Variants in FRMPD1 observed in about 807,000 individuals in gnomAD.
FRMPD1 encodes the protein FERM and PDZ domain containing 1, also known as FERM and PDZ domain-containing protein 1.
FRMPD1 carries 76 observed loss-of-function variants against 117.8 expected under a neutral mutation model. The observed-to-expected ratio is 0.65, with a 90% CI of 0.54 to 0.78. The LOEUF (loss-of-function observed/expected upper bound fraction) is 0.78, where lower values mean the gene tolerates loss of function less well. Among genes scored for constraint, FRMPD1 ranks in the 30% least tolerant of loss-of-function variants. The pLI is 0.00. For missense variants in FRMPD1, 1,786 were observed against 1,964.5 expected (o/e 0.91, Z 1.72); for synonymous variants, 783 against 770.4 (o/e 1.02, Z -0.27).
rs937651001 is a variant in FRMPD1, at chr9:37,745,395, C to T, written c.3363C>T (p.Gly1121=). ...ERDREVTNKN[G]TNVFQEESRK... is the part of the protein sequence containing the mutation. ...ACAGAGAAGTTACAAACAAAAATGG[C>T]ACCAACGTATTTCAGGAGGAGTCTA... The change falls in exon 16 of 16, where the codon GGC becomes GGT. Residue 1121 remains glycine, a synonymous_variant. Transcript: ENST00000377765. The T allele has an allele frequency of 6.2e-7, 1 of 1,614,082 alleles. No individual in the cohort carries two copies. The highest frequency in any genetic ancestry group is 1.7e-5 in the Admixed American group (1 of 60,026).
the FRMPD1 span, among the ~76,000 whole-genome samples, chr9:37,615,868 A>G: frequency 2.0e-5 from 3 of 151,594 alleles, no homozygotes; most frequent in Non-Finnish European, 4.4e-5. Context: ...GCTGGAGTGT[A>G]ATGGCATGAT....
At chr9:37,689,969 A>T (rs927270941) in intron 1 of FRMPD1, among the ~76,000 whole-genome samples, 2 of 152,100 alleles carry the variant, frequency 1.3e-5, no homozygotes, top group African/African-American at 4.8e-5. Context: ...GAAATTTTAC[A>T]ATGTTGTTAC....
chr9:37,636,869 G>C, the FRMPD1 span: 1 of 1,611,376 alleles, frequency 6.2e-7, no homozygotes, highest in Middle Eastern at 1.7e-4. Context: ...GATGCCCAAA[G>C]AGTCTGCAAA....
At chr9:37,723,022 C>T (rs570947629) in intron 6 of FRMPD1, among the ~76,000 whole-genome samples, 5 of 152,252 alleles carry the variant, frequency 3.3e-5, no homozygotes, top group Admixed American at 6.5e-5. Flanking sequence ...AATAGCCCTA[C>T]GAGAGTGGCA....
At chr9:37,737,028 C>A in intron 13 of FRMPD1, 68 bp from the exon 14 acceptor site, 3 of 1,266,902 alleles carry the variant, frequency 2.4e-6, no homozygotes, top group Non-Finnish European at 3.4e-6. Context: ...TCCCACATGG[C>A]TTTGTTGTCA....
At chr9:37,739,291 G>A (rs964847988) in intron 14 of FRMPD1, among the ~76,000 whole-genome samples, 3 of 152,208 alleles carry the variant, frequency 2.0e-5, no homozygotes, top group African/African-American at 7.2e-5. Context: ...AGGCCATACT[G>A]TGAGAGTCTG....
intron 7 of FRMPD1, among the ~76,000 whole-genome samples, chr9:37,728,832 G>A (rs7025674): frequency 0.42 from 64,307 of 151,356 alleles, 13,825 homozygotes; most frequent in South Asian, 0.54. Context: ...GCGTGGTGGC[G>A]CACACCTGTA....
At chr9:37,623,346 C>G in the FRMPD1 span, among the ~76,000 whole-genome samples, 1 of 152,060 alleles carries the variant, frequency 6.6e-6, no homozygotes, top group Non-Finnish European at 1.5e-5. Context: ...TTCAATGTGC[C>G]AAGTACCATA....
intron 1 of FRMPD1, among the ~76,000 whole-genome samples, chr9:37,651,355 A>C (rs907907302): frequency 6.6e-6 from 1 of 152,282 alleles, no homozygotes. Flanking sequence ...TAGTGAGTGG[A>C]AACAGCGGCA....
the FRMPD1 span, among the ~76,000 whole-genome samples, chr9:37,639,694 T>C: frequency 6.6e-6 from 1 of 152,096 alleles, no homozygotes; most frequent in Non-Finnish European, 1.5e-5. Flanking sequence ...TCTATGCACT[T>C]CCCAGGACAC....
At chr9:37,660,553 A>G (rs7869677) in intron 1 of FRMPD1, among the ~76,000 whole-genome samples, 25,336 of 152,098 alleles carry the variant, frequency 0.17, 2,976 homozygotes, top group East Asian at 0.47. Context: ...CATTTCTCTT[A>G]AAGAACAGTG....
At chr9:37,721,944 T>C (rs533287172) in intron 6 of FRMPD1, among the ~76,000 whole-genome samples, 1 of 152,260 alleles carries the variant, frequency 6.6e-6, no homozygotes, top group East Asian at 1.9e-4. Flanking sequence ...TAGATAAAAA[T>C]TGGAAAAAGC....
intron 1 of FRMPD1, among the ~76,000 whole-genome samples, chr9:37,652,804 G>C (rs1206378930): frequency 6.6e-6 from 1 of 152,218 alleles, no homozygotes; most frequent in African/African-American, 2.4e-5. Flanking sequence ...CCCTCAAGGA[G>C]CTTAGGTTCT....
the FRMPD1 span, among the ~76,000 whole-genome samples, chr9:37,611,860 T>G: frequency 0.16 from 24,717 of 152,164 alleles, 2,390 homozygotes; most frequent in African/African-American, 0.27. Flanking sequence ...CTTTACTCCT[T>G]ATCTTAGAAT....
rs765735007 is a variant in FRMPD1 at position 37,745,815 on chromosome 9, A to T, written c.3783A>T (p.Pro1261=). 21 of 1,614,082 alleles carry T rather than the reference A, an allele frequency of 1.3e-5. No homozygotes were observed. The highest frequency in any genetic ancestry group is 1.8e-5 in the Non-Finnish European group (21 of 1,179,976). ...AGCCTTCCCTGCCAGAACCACTACC[A>T]TGTCCACAAGAGGATCCTCACTTAG... ...NPEPSLPEPL[P]CPQEDPHLET... Residue 1261 remains proline (P), a synonymous_variant, in exon 16 of 16, where the codon CCA becomes CCT. Transcript: ENST00000377765.
chr9:37,639,369 C>T, the FRMPD1 span, among the ~76,000 whole-genome samples: 8 of 152,028 alleles, frequency 5.3e-5, no homozygotes, highest in Middle Eastern at 9.5e-3. Flanking sequence ...TTCTGGGTGT[C>T]GCCATGTTTC....
intron 1 of FRMPD1, among the ~76,000 whole-genome samples, chr9:37,692,235 A>G (rs916822226): frequency 1.3e-5 from 2 of 152,236 alleles, no homozygotes; most frequent in African/African-American, 2.4e-5. Flanking sequence ...GAATGCTTCC[A>G]TGTCCATGGG....
chr9:37,619,596 A>G, the FRMPD1 span, among the ~76,000 whole-genome samples: 1 of 152,036 alleles, frequency 6.6e-6, no homozygotes, highest in South Asian at 2.1e-4. Context: ...CATCTCTACT[A>G]AAAGTACAAA....
chr9:37,680,394 G>GA (rs1177727889), intron 1 of FRMPD1, among the ~76,000 whole-genome samples: 5 of 152,138 alleles, frequency 3.3e-5, no homozygotes, highest in African/African-American at 4.8e-5. Context: ...TGTGCACCAA[G>GA]AAAAAAACAT....
Sources: gnomAD v4.1 joint callset for allele counts (sites outside exome capture counted in the v4.1 genomes callset) on GRCh38, gnomAD v4.1.1 for gene constraint, MANE v1.5 for transcripts, NCBI Gene and HGNC (gene_info 2026-07-23, HGNC 2026-07-21) for gene names.